PTPRD: variants seen among roughly 807,000 people sequenced by gnomAD.
The protein encoded by PTPRD is receptor-type tyrosine-protein phosphatase delta.
A neutral mutation model predicts 214.5 loss-of-function variants in PTPRD; 34 were observed. The observed-to-expected ratio is 0.16, with a 90% confidence interval of 0.12 to 0.21. PTPRD has a LOEUF of 0.21. Ranked by LOEUF, PTPRD falls within the 10% of genes least tolerant of loss-of-function variation. The probability of loss-of-function intolerance (pLI) is 1.00; values close to 1 mark genes in which losing one functional copy is unlikely to be tolerated. For missense variants in PTPRD, 2,545 were observed against 2,398.7 expected (o/e 1.06, Z -1.27); for synonymous variants, 1,128 against 845.7 (o/e 1.33, Z -5.79).
intron 9 of PTPRD, among the ~76,000 whole-genome samples, chr9:9,307,160 C>T (rs1038236611): frequency 3.9e-5 from 6 of 152,060 alleles, no homozygotes; most frequent in Admixed American, 2.0e-4. Flanking sequence ...CTCGGGAAAC[C>T]AGCTATGATT....
At chr9:9,171,403 C>A (rs1162680087) in intron 10 of PTPRD, among the ~76,000 whole-genome samples, 1 of 150,232 alleles carries the variant, frequency 6.7e-6, no homozygotes, top group Non-Finnish European at 1.5e-5. Context: ...TCAATGTGGA[C>A]AAAATTATGC....
At chr9:10,538,239 A>AAAATAAATAAAT (rs139133858) in intron 2 of PTPRD, among the ~76,000 whole-genome samples, 2 of 130,334 alleles carry the variant, frequency 1.5e-5, no homozygotes, top group African/African-American at 2.9e-5. Flanking sequence ...GCCTCATCAT[A>AAAATAAATAAAT]AAATAAATAA....
intron 9 of PTPRD, among the ~76,000 whole-genome samples, chr9:9,231,181 A>T (rs1044370718): frequency 8.5e-5 from 13 of 152,164 alleles, no homozygotes; most frequent in Admixed American, 2.6e-4. Flanking sequence ...TTAGTTTTTA[A>T]AAGATAGTCT....
rs1277866832 is a variant in PTPRD, at chr9:9,140,581, CT to C, written c.-143+42722del. 3.9e-5 allele frequency among the ~76,000 whole-genome samples: 6 copies of C among 152,200 alleles called. No homozygotes were observed. The South Asian group carries it at 6.2e-4, about 16-fold the overall frequency. On this transcript the variant is annotated intron_variant, in intron 10 of 45. Transcript: ENST00000381196. Reference sequence around the variant, plus strand: ...CACTGTGACAGAAACAGTGCTACATCTTTTTTTATTTTTTTGAGACGGAGTC... The same window carrying C: ...CACTGTGACAGAAACAGTGCTACATCTTTTTTATTTTTTTGAGACGGAGTC...
intron 14 of PTPRD, among the ~76,000 whole-genome samples, chr9:8,595,096 CT>C (rs2094403593): frequency 6.6e-6 from 1 of 151,464 alleles, no homozygotes; most frequent in Non-Finnish European, 1.5e-5. Context: ...ATCTCCTGAC[CT>C]CATGATCTGC....
chr9:10,124,596 T>C (rs1247799558), intron 3 of PTPRD, among the ~76,000 whole-genome samples: 2 of 152,182 alleles, frequency 1.3e-5, no homozygotes, highest in Admixed American at 1.3e-4. Flanking sequence ...CATATATATG[T>C]CTCCTGCACT....
At chr9:9,567,832 G>A (rs540998368) in intron 8 of PTPRD, among the ~76,000 whole-genome samples, 1 of 151,986 alleles carries the variant, frequency 6.6e-6, no homozygotes, top group Non-Finnish European at 1.5e-5. Flanking sequence ...TATAGGCTGG[G>A]GCATATGACA....
chr9:9,872,035 T>C (rs1053957061), intron 5 of PTPRD, among the ~76,000 whole-genome samples: 6 of 152,108 alleles, frequency 3.9e-5, no homozygotes, highest in Admixed American at 6.5e-5. Context: ...GACTTGACAA[T>C]AGTACCACAG....
chr9:8,607,090 G>C (rs1032396875), intron 14 of PTPRD, among the ~76,000 whole-genome samples: 9 of 152,140 alleles, frequency 5.9e-5, no homozygotes, highest in African/African-American at 1.7e-4. Context: ...TTGGTTAGGA[G>C]AAACAAGTTC....
At chr9:10,539,011 A>G (rs1053604914) in intron 2 of PTPRD, among the ~76,000 whole-genome samples, 2 of 152,116 alleles carry the variant, frequency 1.3e-5, no homozygotes, top group Non-Finnish European at 2.9e-5. Flanking sequence ...AAGTTTTGGT[A>G]ATGGCTCTTC....
chr9:8,435,469 G>C (rs545455505), intron 35 of PTPRD, among the ~76,000 whole-genome samples: 16 of 152,114 alleles, frequency 1.1e-4, no homozygotes, highest in African/African-American at 3.9e-4. Context: ...TAGAAACCCC[G>C]ATGGTGAAAT....
intron 11 of PTPRD, among the ~76,000 whole-genome samples, chr9:8,783,622 ACT>A (rs2095826308): frequency 6.6e-6 from 1 of 152,212 alleles, no homozygotes; most frequent in Non-Finnish European, 1.5e-5. Flanking sequence ...ATTAGAACAC[ACT>A]ACCTCATACC....
intron 3 of PTPRD, among the ~76,000 whole-genome samples, chr9:10,248,748 T>C (rs1227144053): frequency 6.6e-6 from 1 of 152,120 alleles, no homozygotes; most frequent in Admixed American, 6.6e-5. Context: ...TGCTCTTCTC[T>C]CATGAGGTGA....
At chr9:8,599,796 T>C (rs1265911467) in intron 14 of PTPRD, among the ~76,000 whole-genome samples, 1 of 151,930 alleles carries the variant, frequency 6.6e-6, no homozygotes, top group African/African-American at 2.4e-5. Context: ...TTTGTACTTT[T>C]AGTAGAGACG....
intron 11 of PTPRD, among the ~76,000 whole-genome samples, chr9:8,831,108 G>C (rs1378658840): frequency 6.6e-6 from 1 of 152,126 alleles, no homozygotes; most frequent in Admixed American, 6.6e-5. Context: ...ACACTTCGCA[G>C]ACAAGATGAC....
chr9:8,649,630 A>G (rs1391822635), intron 12 of PTPRD, among the ~76,000 whole-genome samples: 3 of 152,254 alleles, frequency 2.0e-5, no homozygotes, highest in Non-Finnish European at 2.9e-5. Context: ...TGTAAACAAA[A>G]AAACATTTTT....
intron 3 of PTPRD, among the ~76,000 whole-genome samples, chr9:10,228,554 C>A (rs1010470934): frequency 5.3e-5 from 8 of 151,954 alleles, no homozygotes; most frequent in East Asian, 1.9e-4. Flanking sequence ...TCCACTGGAG[C>A]TACCCCTAGA....
rs757747963 is a variant in PTPRD, at chr9:9,285,811, C to A, written c.-202-102448G>T. Among the ~76,000 whole-genome samples, 5 of 151,772 alleles carry A rather than the reference C, an allele frequency of 3.3e-5. No individual in the cohort carries two copies. In the East Asian group the frequency reaches 9.8e-4, roughly 30 times the overall value. ...TAAATGAGATGCATAATCTCATCTG[C>A]TTTCATGGCCTCAACTACTCTTTGT... is the stretch of plus-strand genomic sequence containing the variant. On this transcript the variant is annotated intron_variant, in intron 9 of 45. Coordinates refer to ENST00000381196, the MANE Select transcript of PTPRD (RefSeq NM_002839.4).
Position 8,782,722 on chromosome 9 carries a change from G to A in PTPRD, c.-103-48776C>T, listed in dbSNP as rs528297242. Among the ~76,000 whole-genome samples the A allele has an allele frequency of 3.3e-5, 5 of 151,062 alleles. No homozygotes were observed. The East Asian group carries it at 5.9e-4, about 18-fold the overall frequency. On this transcript the variant is annotated intron_variant, in intron 11 of 45. Transcript: ENST00000381196. The stretch of plus-strand genomic sequence containing the variant: ...AAGCAATTCTCCTGCCTCAGCCTCC[G>A]GAGTAGCTGGGATTACAGGCGCACA...
Sources: allele counts gnomAD v4.1 joint callset (sites outside exome capture counted in the v4.1 genomes callset), GRCh38; gene constraint gnomAD v4.1.1; transcripts MANE v1.5; gene names NCBI Gene and HGNC (gene_info 2026-07-23, HGNC 2026-07-21).